The following MROH1 variants were observed in gnomAD, a reference collection of about 807,000 sequenced individuals.
MROH1 encodes maestro heat-like repeat-containing protein family member 1.
A neutral mutation model predicts 116.5 loss-of-function variants in MROH1; 117 were observed. The ratio of observed to expected loss-of-function variants is 1.00; its 90% confidence interval spans 0.86 to 1.17. The LOEUF is 1.17. Ranked by LOEUF, MROH1 falls within the 50% of genes most tolerant of loss-of-function variation. The pLI, the probability that MROH1 is intolerant of heterozygous loss-of-function variation, is 0.00. For synonymous variants in MROH1, 921 were observed against 583.9 expected, an observed-to-expected ratio of 1.58 and a Z score of -8.32; for missense variants, 1,873 against 1,338.5, an observed-to-expected ratio of 1.40 and a Z score of -6.23.
Position 144,180,567 on chromosome 8 carries a change from TGGGGGGCTGTTCCC to T in MROH1, c.562+48_562+61del. ...ACCTTCTGTCTCAAGTGCCCCTTTGTGGGGGGCTGTTCCCGGGCATGCCTGTTTTAGGGGGGACA... is the reference window on the plus strand; with the variant it reads ...ACCTTCTGTCTCAAGTGCCCCTTTGTGGGCATGCCTGTTTTAGGGGGGACA... On this transcript the variant is annotated intron_variant, in intron 7 of 43. Transcript: ENST00000326134. This position sits in a 1 kb window ranked among gnomAD's most constrained non-coding sequence, Gnocchi z 7.4. The T allele has an allele frequency of 6.4e-7, 1 of 1,564,710 alleles. No individual in the cohort carries two copies. Among genetic ancestry groups the T allele is most frequent in the Non-Finnish European group, 8.7e-7 (1 of 1,147,394 alleles).
chr8:144,214,300 G>C (rs537298192), intron 12 of MROH1: 1 of 152,422 alleles, frequency 6.6e-6, no homozygotes, highest in African/African-American at 2.4e-5. Context: ...CCATGAATAT[G>C]TTTCTCAGCC....
intron 1 of MROH1, among the ~76,000 whole-genome samples, chr8:144,157,024 C>T (rs1278299036): frequency 4.6e-5 from 7 of 152,026 alleles, no homozygotes; most frequent in South Asian, 4.2e-4. Context: ...GGCGTGATCT[C>T]GGCTCACTGC....
Position 144,223,116 on chromosome 8 carries a change from G to A in MROH1, c.1224G>A (p.Arg408=), listed in dbSNP as rs779706239. 2.5e-6 allele frequency: 4 copies of A among 1,613,314 alleles called. No individual in the cohort carries two copies. Among genetic ancestry groups the A allele is most frequent in the South Asian group, 1.1e-5 (1 of 91,028 alleles). The change falls in exon 14 of 44, where the codon CGG becomes CGA. Residue 408 remains arginine (R), a synonymous_variant. Transcript: ENST00000326134. Reference sequence around the variant, plus strand: ...ATTTGTTCTCTGGGCAGGTGAAGCGGGCAGTGGTGCAGGTGATTAGCGCCA... The same window carrying A: ...ATTTGTTCTCTGGGCAGGTGAAGCGAGCAGTGGTGCAGGTGATTAGCGCCA... ...PLLDTNSKVK[R]AVVQVISAMA...
intron 3 of MROH1, among the ~76,000 whole-genome samples, chr8:144,166,762 A>G (rs1232595160): frequency 2.0e-5 from 3 of 151,892 alleles, no homozygotes; most frequent in African/African-American, 7.3e-5. Flanking sequence ...GGGTCGAGGG[A>G]GGGGGGACTA....
intron 7 of MROH1, among the ~76,000 whole-genome samples, chr8:144,181,278 AGTGATGGGGGAGGGGCCCG>A (rs58600184): frequency 4.2e-5 from 4 of 95,718 alleles, no homozygotes; most frequent in East Asian, 6.1e-4. Flanking sequence ...GGGAGGACCC[AGTGATGGGGGAGGGGCCCG>A]GTGATGGGGG....
At chr8:144,181,278 A>AGTGATGCGGGAGGGGCCCG (rs1825582033) in intron 7 of MROH1, among the ~76,000 whole-genome samples, 1 of 95,742 alleles carries the variant, frequency 1.0e-5, no homozygotes, top group Non-Finnish European at 2.0e-5. Context: ...GGGAGGACCC[A>AGTGATGCGGGAGGGGCCCG]GTGATGGGGG....
chr8:144,255,777 G>T (rs961571254), intron 35 of MROH1, 72 bp downstream of exon 35: 1 of 687,956 alleles, frequency 1.5e-6, no homozygotes, highest in Admixed American at 2.1e-5. Flanking sequence ...CGCGCGTGGT[G>T]GGGGCGGACG....
intron 14 of MROH1, among the ~76,000 whole-genome samples, chr8:144,234,299 C>T (rs769760773): frequency 1.5e-4 from 23 of 152,140 alleles, no homozygotes; most frequent in South Asian, 4.1e-4. Flanking sequence ...TGAGCCACCG[C>T]GCCCGGCTGT....
intron 12 of MROH1, among the ~76,000 whole-genome samples, chr8:144,219,162 A>G (rs1836172279): frequency 6.6e-6 from 1 of 151,676 alleles, no homozygotes; most frequent in South Asian, 2.1e-4. Context: ...AGCTGGGACT[A>G]CAGGCATCCA....
chr8:144,238,151 G>A (rs1840355831), intron 14 of MROH1, among the ~76,000 whole-genome samples: 1 of 151,438 alleles, frequency 6.6e-6, no homozygotes, highest in South Asian at 2.1e-4. Flanking sequence ...TGAAGTTCAA[G>A]GCCTAAATAT....
chr8:144,168,880 C>T (rs780341030), intron 4 of MROH1, among the ~76,000 whole-genome samples: 4 of 152,228 alleles, frequency 2.6e-5, no homozygotes, highest in Non-Finnish European at 5.9e-5. Context: ...CCTGCACCCT[C>T]AGGGAGGGGC....
chr8:144,162,286 C>T (rs1477060245), intron 2 of MROH1, among the ~76,000 whole-genome samples: 1 of 151,548 alleles, frequency 6.6e-6, no homozygotes. Flanking sequence ...TGGATTTTAC[C>T]ATGTTAGCCA....
At chr8:144,259,829 C>T in intron 37 of MROH1, 82 bp from the exon 38 acceptor site, 1 of 709,794 alleles carries the variant, frequency 1.4e-6, no homozygotes. Flanking sequence ...GTGGGGACAG[C>T]CTCTGGTGTT....
chr8:144,229,964 G>A (rs1015607971), intron 14 of MROH1, among the ~76,000 whole-genome samples: 7 of 149,382 alleles, frequency 4.7e-5, no homozygotes, highest in Non-Finnish European at 8.8e-5. Context: ...AACCTGGGAG[G>A]CAGAGGCTAC....
chr8:144,184,580 T>C (rs1313207859), intron 7 of MROH1, among the ~76,000 whole-genome samples: 1 of 152,128 alleles, frequency 6.6e-6, no homozygotes, highest in East Asian at 1.9e-4. Flanking sequence ...GAAACAAAAC[T>C]GTAACCATTT....
At chr8:144,175,190 G>A (rs1056548222) in intron 4 of MROH1, 6 of 980,810 alleles carry the variant, frequency 6.1e-6, no homozygotes, top group East Asian at 2.3e-4. Context: ...CAGCGGATCT[G>A]GTCGAGTGGG....
chr8:144,244,494 C>G lies in MROH1; in HGVS notation c.2721C>G (p.Leu907=), dbSNP rs1055273184. 1,396 of 774,428 alleles carry G rather than the reference C, an allele frequency of 1.8e-3. 11 individuals carry two copies. The East Asian group carries it at 0.024, about 13-fold the overall frequency. The allele number at this position is 774,428 out of a possible 1,614,324, so 48.0% of individuals were successfully genotyped here. A position where few individuals can be genotyped will look rare whatever the true frequency, so the allele number is the denominator to read the frequency against. The change falls in exon 28 of 44, where the codon CTC becomes CTG. Residue 907 remains leucine (L), a synonymous_variant. Transcript: ENST00000326134. Reference sequence around the variant, plus strand: ...CCCTTGAGGATCTGCTGACGAGCCTCCTGCAGCGGAACATGACCCCCCAAG... The same window carrying G: ...CCCTTGAGGATCTGCTGACGAGCCTGCTGCAGCGGAACATGACCCCCCAAG... The part of the protein sequence containing the change: ...LHALEDLLTS[L]LQRNMTPQGL...
At chr8:144,256,620 C>T (rs1158958228) in intron 35 of MROH1, among the ~76,000 whole-genome samples, 6 of 152,282 alleles carry the variant, frequency 3.9e-5, no homozygotes, top group South Asian at 4.1e-4. Context: ...TCAGTGCCTC[C>T]GCCCCGAGCT....
At chr8:144,204,041 C>G (rs544388885) in intron 12 of MROH1, among the ~76,000 whole-genome samples, 10 of 152,326 alleles carry the variant, frequency 6.6e-5, no homozygotes, top group African/African-American at 2.4e-4. Context: ...TGACATACTT[C>G]AAAACATGCT....
Sources: allele counts gnomAD v4.1 joint callset (sites outside exome capture counted in the v4.1 genomes callset), GRCh38; gene constraint gnomAD v4.1.1; non-coding constraint Gnocchi (gnomAD v3.1); transcripts MANE v1.5; gene names NCBI Gene and HGNC (gene_info 2026-07-23, HGNC 2026-07-21).